The following TMEM131L variants were observed in gnomAD, a reference collection of about 807,000 sequenced individuals.
The protein encoded by TMEM131L is transmembrane 131 like.
A neutral mutation model predicts 192.2 loss-of-function variants in TMEM131L; 54 were observed. That is an observed-to-expected ratio of 0.28 (90% CI 0.23 to 0.35). The LOEUF (loss-of-function observed/expected upper bound fraction) is 0.35. Ranked by LOEUF, TMEM131L falls within the 10% of genes least tolerant of loss-of-function variation. The pLI, the probability that TMEM131L is intolerant of heterozygous loss-of-function variation, is 1.00. For synonymous variants in TMEM131L, 701 were observed against 704.9 expected, an observed-to-expected ratio of 0.99 and a Z score of 0.09; for missense variants, 1,888 against 1,972.9, an observed-to-expected ratio of 0.96 and a Z score of 0.82.
At chr4:153,545,426 T>C (rs936323287) in intron 3 of TMEM131L, among the ~76,000 whole-genome samples, 7 of 152,014 alleles carry the variant, frequency 4.6e-5, no homozygotes, top group Admixed American at 1.3e-4. Context: ...TAGCTGGGAC[T>C]ACAGGCGCCC....
chr4:153,564,321 A>G (rs1485647565), intron 7 of TMEM131L, among the ~76,000 whole-genome samples: 1 of 149,534 alleles, frequency 6.7e-6, no homozygotes, highest in East Asian at 2.0e-4. Context: ...AAAAGGCCCA[A>G]GGGAGCTTGT....
chr4:153,580,152 C>T (rs1730237782), intron 7 of TMEM131L, among the ~76,000 whole-genome samples: 1 of 152,204 alleles, frequency 6.6e-6, no homozygotes, highest in Non-Finnish European at 1.5e-5. Context: ...CCCCCACCCT[C>T]CTACCCAAGG....
chr4:153,520,146 A>C (rs1735008366), intron 3 of TMEM131L, among the ~76,000 whole-genome samples: 1 of 152,078 alleles, frequency 6.6e-6, no homozygotes, highest in African/African-American at 2.4e-5. Flanking sequence ...TTTGGAAGGA[A>C]GATTTTTATA....
chr4:153,613,566 A>C (rs796935255), intron 26 of TMEM131L, among the ~76,000 whole-genome samples: 3 of 152,152 alleles, frequency 2.0e-5, no homozygotes, highest in Non-Finnish European at 4.4e-5. Flanking sequence ...TTGAAGAAAT[A>C]ATTATTTGAA....
intron 14 of TMEM131L, 122 bp from the exon 15 acceptor site, chr4:153,587,620 G>T (rs1730783703): frequency 1.3e-6 from 1 of 741,824 alleles, no homozygotes; most frequent in Non-Finnish European, 2.4e-6. Flanking sequence ...GTAATTTTTG[G>T]CTCGTGGTTA....
intron 3 of TMEM131L, among the ~76,000 whole-genome samples, chr4:153,498,962 A>G (rs969433429): frequency 2.0e-5 from 3 of 152,358 alleles, no homozygotes; most frequent in East Asian, 1.9e-4. Flanking sequence ...CATTTGGGGT[A>G]TGTAAGCCTG....
At chr4:153,608,369 C>G (rs1260021610) in intron 25 of TMEM131L, among the ~76,000 whole-genome samples, 2 of 152,124 alleles carry the variant, frequency 1.3e-5, no homozygotes, top group African/African-American at 4.8e-5. Flanking sequence ...GGTCATCTGA[C>G]AAGAGTGGGG....
chr4:153,615,874 C>T (rs1732942394), intron 26 of TMEM131L, among the ~76,000 whole-genome samples: 1 of 152,204 alleles, frequency 6.6e-6, no homozygotes, highest in African/African-American at 2.4e-5. Context: ...ATTTCAAACT[C>T]TCCTCCCAGT....
At chr4:153,602,433 T>C in intron 22 of TMEM131L, 95 bp downstream of exon 22, 1 of 1,523,174 alleles carries the variant, frequency 6.6e-7, no homozygotes, top group South Asian at 1.2e-5. Flanking sequence ...CTTATGTTGT[T>C]TTAATGTAAA....
At chr4:153,520,583 T>A (rs1735038737) in intron 3 of TMEM131L, among the ~76,000 whole-genome samples, 1 of 152,222 alleles carries the variant, frequency 6.6e-6, no homozygotes, top group South Asian at 2.1e-4. Context: ...GGCAGGAAAC[T>A]GGGAAGGCCC....
intron 3 of TMEM131L, among the ~76,000 whole-genome samples, chr4:153,507,727 A>G (rs1241636464): frequency 6.6e-6 from 1 of 152,128 alleles, no homozygotes; most frequent in Non-Finnish European, 1.5e-5. Flanking sequence ...AAAAAAACAA[A>G]CAAACAAAAA....
chr4:153,512,101 G>A (rs370877175), intron 3 of TMEM131L, among the ~76,000 whole-genome samples: 16 of 152,254 alleles, frequency 1.1e-4, no homozygotes, highest in Middle Eastern at 3.4e-3. Flanking sequence ...TTTTGAAAGA[G>A]TTTGTTCATT....
intron 25 of TMEM131L, among the ~76,000 whole-genome samples, chr4:153,610,285 C>T (rs188599300): frequency 9.9e-5 from 15 of 152,258 alleles, no homozygotes; most frequent in South Asian, 8.3e-4. Context: ...AAGTTATTCC[C>T]GGTTATTAAA....
chr4:153,609,293 G>C (rs970493681), intron 25 of TMEM131L, among the ~76,000 whole-genome samples: 2 of 152,142 alleles, frequency 1.3e-5, no homozygotes, highest in African/African-American at 4.8e-5. Context: ...AAGAGAGAGT[G>C]AAGGGGGAAG....
chr4:153,484,644 A>G (rs1291196678), intron 3 of TMEM131L, among the ~76,000 whole-genome samples: 3 of 146,576 alleles, frequency 2.0e-5, no homozygotes, highest in Non-Finnish European at 4.5e-5. Flanking sequence ...AATTTTTTGT[A>G]TTTTCAGTAG....
chr4:153,632,668 T>A, intron 31 of TMEM131L, 50 bp from the exon 32 acceptor site: 2 of 1,609,454 alleles, frequency 1.2e-6, no homozygotes, highest in Non-Finnish European at 1.7e-6. Context: ...AAGGGTAGGA[T>A]GAGGGCCAGG....
rs1017001115 is a variant in TMEM131L, at chr4:153,581,013, G to GGAGGCCGAGGCGAGT, written c.738+112_738+126dup. ...TCATGCCTGTAATCCCAGCACTTTG[G>GGAGGCCGAGGCGAGT]GAGGCCGAGGCGAGTGGATCACGAG... On this transcript the variant is annotated intron_variant, in intron 8 of 34. Coordinates refer to ENST00000409959, the MANE Select transcript of TMEM131L (RefSeq NM_001131007.2). 9.7e-6 allele frequency: 7 copies of GGAGGCCGAGGCGAGT among 722,968 alleles called. No individual in the cohort carries two copies. In the African/African-American group the frequency reaches 1.1e-4, roughly 11 times the overall value. 44.8% of individuals were successfully genotyped at this position (722,968 alleles called of 1,614,324 possible).
intron 26 of TMEM131L, among the ~76,000 whole-genome samples, chr4:153,617,437 A>G (rs2126673322): frequency 6.6e-6 from 1 of 152,354 alleles, no homozygotes; most frequent in African/African-American, 2.4e-5. Flanking sequence ...ATTTGTTCAC[A>G]TGTCATGTCT....
chr4:153,503,630 C>T (rs757956886), intron 3 of TMEM131L, among the ~76,000 whole-genome samples: 1 of 152,134 alleles, frequency 6.6e-6, no homozygotes, highest in Non-Finnish European at 1.5e-5. Context: ...GACAAAGAGT[C>T]ATGATGTGGG....
Sources: allele counts gnomAD v4.1 joint callset (sites outside exome capture counted in the v4.1 genomes callset), GRCh38; gene constraint gnomAD v4.1.1; transcripts MANE v1.5; gene names NCBI Gene and HGNC (gene_info 2026-07-23, HGNC 2026-07-21).